MATN2: variants seen among roughly 807,000 people sequenced by gnomAD.
The protein encoded by MATN2 is matrilin-2.
In MATN2, 69 loss-of-function variants were observed where a neutral mutation model predicts 103.2. The ratio of observed to expected loss-of-function variants is 0.67; its 90% CI spans 0.55 to 0.82. The LOEUF is 0.82. MATN2 is among the 40% of genes least tolerant of loss of function. MATN2 has a pLI of 0.00. For missense variants in MATN2, 1,023 were observed against 1,211.5 expected (o/e 0.84, Z 2.31); for synonymous variants, 429 against 450.2 (o/e 0.95, Z 0.60).
chr8:97,919,476 C>A (rs1387144629), intron 2 of MATN2, among the ~76,000 whole-genome samples: 3 of 152,182 alleles, frequency 2.0e-5, no homozygotes, highest in Admixed American at 6.6e-5. Context: ...AAGTGATCCA[C>A]CCACCTCGGC....
chr8:98,030,148 C>T (rs769102201), intron 14 of MATN2, among the ~76,000 whole-genome samples: 19 of 152,294 alleles, frequency 1.2e-4, no homozygotes, highest in Middle Eastern at 3.4e-3. Context: ...TAAAATAGGG[C>T]TCATTTCTAT....
chr8:97,922,048 C>T (rs1809830436), intron 2 of MATN2, among the ~76,000 whole-genome samples: 4 of 152,168 alleles, frequency 2.6e-5, no homozygotes, highest in Admixed American at 6.5e-5. Context: ...CTAGGTTGCA[C>T]ACTCCTTATG....
At chr8:97,985,862 C>T (rs1426149837) in intron 6 of MATN2, among the ~76,000 whole-genome samples, 1 of 152,200 alleles carries the variant, frequency 6.6e-6, no homozygotes, top group Non-Finnish European at 1.5e-5. Context: ...ACTACTGCAC[C>T]TAGCTGATAA....
At chr8:97,897,568 G>C (rs561947339) in intron 2 of MATN2, among the ~76,000 whole-genome samples, 6 of 152,180 alleles carry the variant, frequency 3.9e-5, no homozygotes, top group Admixed American at 6.5e-5. Context: ...AATGAAGGTC[G>C]ATGCATTGAG....
intron 2 of MATN2, among the ~76,000 whole-genome samples, chr8:97,906,265 A>T (rs1191562504): frequency 6.6e-6 from 1 of 152,156 alleles, no homozygotes; most frequent in Non-Finnish European, 1.5e-5. Flanking sequence ...GGCATGTAAA[A>T]ACTTTATTCT....
chr8:97,956,120 C>T (rs564346390), intron 4 of MATN2, among the ~76,000 whole-genome samples: 1 of 152,218 alleles, frequency 6.6e-6, no homozygotes, highest in South Asian at 2.1e-4. Context: ...ACTGCTCCTG[C>T]AGAGCAGGGC....
chr8:97,953,399 G>C (rs1013100712), intron 4 of MATN2, among the ~76,000 whole-genome samples: 3 of 152,210 alleles, frequency 2.0e-5, no homozygotes, highest in African/African-American at 7.2e-5. Context: ...CCTGCACTTC[G>C]GGAGGCCAGG....
At chr8:98,015,456 T>C (rs2130412804) in intron 10 of MATN2, among the ~76,000 whole-genome samples, 1 of 150,822 alleles carries the variant, frequency 6.6e-6, no homozygotes, top group South Asian at 2.1e-4. Flanking sequence ...TCCCGGATGC[T>C]CCAGTCACAG....
At chr8:97,918,187 C>T (rs1474121433) in intron 2 of MATN2, among the ~76,000 whole-genome samples, 2 of 152,202 alleles carry the variant, frequency 1.3e-5, no homozygotes, top group Non-Finnish European at 2.9e-5. Flanking sequence ...TTAGGCTGTT[C>T]TGGTTAAACG....
intron 6 of MATN2, among the ~76,000 whole-genome samples, chr8:97,988,621 C>A (rs1295835512): frequency 6.6e-6 from 1 of 151,952 alleles, no homozygotes; most frequent in Non-Finnish European, 1.5e-5. Context: ...GTGAGACTCT[C>A]TCCCCAGACC....
rs1381286630 is a variant in MATN2 at position 97,869,139 on chromosome 8, A to G, written c.-175A>G. Reference sequence around the variant, plus strand: ...TGGAGCAAGCGGCGGCGGCGGAGACAGAGGCAGAGGCAGAAGCTGGGGCTC... The same window carrying G: ...TGGAGCAAGCGGCGGCGGCGGAGACGGAGGCAGAGGCAGAAGCTGGGGCTC... On this transcript the variant is annotated 5_prime_UTR_variant, in exon 1 of 19. Coordinates refer to ENST00000254898, the MANE Select transcript of MATN2 (RefSeq NM_002380.5). 1.3e-5 allele frequency: 2 copies of G among 152,390 alleles called. No individual in the cohort carries two copies. The highest frequency in any genetic ancestry group is 4.8e-5 in the African/African-American group (2 of 41,448). The allele number at this position is 152,390 out of a possible 1,614,324, so 9.4% of individuals were successfully genotyped here.
rs139288251 is a variant in MATN2, at chr8:98,004,180, C to T, written c.1327+397C>T. 1.3e-3 allele frequency: 262 copies of T among 197,362 alleles called. 1 individual carries two copies. The highest frequency in any genetic ancestry group is 5.7e-3 in the African/African-American group (249 of 43,772). 12.2% of individuals were successfully genotyped at this position (197,362 alleles called of 1,614,324 possible). On this transcript the variant is annotated intron_variant, in intron 8 of 18. Coordinates refer to ENST00000254898, the MANE Select transcript of MATN2 (RefSeq NM_002380.5). ...GTGGGTGCCTATAATCCCAGCTACT[C>T]GGGAGGCTGAAGCAGGAGAATTACT... is the stretch of plus-strand genomic sequence containing the variant.
intron 1 of MATN2, among the ~76,000 whole-genome samples, chr8:97,884,227 A>G (rs1586374368): frequency 6.8e-6 from 1 of 147,526 alleles, no homozygotes; most frequent in Non-Finnish European, 1.5e-5. Context: ...TGCAGCCTTC[A>G]CCTTCCGGGT....
chr8:97,870,041 G>A (rs1478424218), intron 1 of MATN2, among the ~76,000 whole-genome samples: 1 of 152,142 alleles, frequency 6.6e-6, no homozygotes. Context: ...CGGCCTTTAA[G>A]GAATGGGGCA....
chr8:97,891,672 GTTT>G (rs1452003814), intron 2 of MATN2, among the ~76,000 whole-genome samples: 1 of 152,042 alleles, frequency 6.6e-6, no homozygotes, highest in African/African-American at 2.4e-5. Context: ...ACTTTTGTTT[GTTT>G]TTTAAGAATC....
At chr8:97,940,549 T>TAA (rs10657379) in intron 3 of MATN2, among the ~76,000 whole-genome samples, 150,773 of 152,330 alleles carry the variant, frequency 0.99, 74,639 homozygotes, top group Non-Finnish European at 1. Flanking sequence ...TACTCCAATG[T>TAA]AGAGACATAA....
chr8:98,000,958 G>A (rs547295189), intron 7 of MATN2, among the ~76,000 whole-genome samples: 2 of 152,334 alleles, frequency 1.3e-5, no homozygotes, highest in African/African-American at 4.8e-5. Context: ...ATGATGTTGA[G>A]CTGATCGTGA....
At chr8:97,877,211 C>T (rs907979677) in intron 1 of MATN2, among the ~76,000 whole-genome samples, 3 of 151,988 alleles carry the variant, frequency 2.0e-5, no homozygotes, top group Admixed American at 6.6e-5. Context: ...GGCACAGTGG[C>T]TTATGCCCAT....
chr8:97,913,105 C>T (rs1014156155), intron 2 of MATN2, among the ~76,000 whole-genome samples: 8 of 152,116 alleles, frequency 5.3e-5, no homozygotes, highest in African/African-American at 1.9e-4. Flanking sequence ...TTTCTAAAAC[C>T]TTGCTTGCTG....
Sources: allele counts gnomAD v4.1 joint callset (sites outside exome capture counted in the v4.1 genomes callset), GRCh38; gene constraint gnomAD v4.1.1; transcripts MANE v1.5; gene names NCBI Gene and HGNC (gene_info 2026-07-23, HGNC 2026-07-21).